Variants in CFAP46 observed in about 807,000 individuals in gnomAD.
CFAP46 encodes the protein cilia- and flagella-associated protein 46.
In CFAP46, 245 loss-of-function variants were observed where a neutral mutation model predicts 325.7. That is an observed-to-expected ratio of 0.75 (90% CI 0.68 to 0.84). The LOEUF is 0.84. CFAP46 is among the 40% of genes least tolerant of loss of function. CFAP46 has a pLI of 0.00. For missense variants in CFAP46, 3,346 were observed against 3,543.0 expected, an observed-to-expected ratio of 0.94 and a Z score of 1.41; for synonymous variants, 1,523 against 1,495.9, an observed-to-expected ratio of 1.02 and a Z score of -0.42.
intron 17 of CFAP46, 84 bp from the exon 18 acceptor site, chr10:132,913,342 G>T (rs1025478735): frequency 4.6e-5 from 25 of 543,338 alleles, no homozygotes; most frequent in Admixed American, 8.1e-5. Flanking sequence ...GGCCTGTTAG[G>T]AACCAGGCTG....
In CFAP46 at chr10:132,912,140, A is replaced by ATC. The variant is rs1284356383; in HGVS notation, c.2499+513_2499+514dup. On this transcript the variant is annotated intron_variant, in intron 19 of 57. Transcript: ENST00000368586. ...TCCACCCCCACCCCCCCACCCCCAC[A>ATC]TCTCTCTCTCTCTCCTCTCTCTCTT... Among the ~76,000 whole-genome samples the ATC allele has an allele frequency of 2.3e-3, 27 of 11,890 alleles. 1 individual carries two copies. The highest frequency in any genetic ancestry group is 6.4e-3 in the Admixed American group (7 of 1,102). 7.8% of individuals were successfully genotyped at this position (11,890 alleles called of 152,430 possible). A position where few individuals can be genotyped will look rare whatever the true frequency, so the allele number is the denominator to read the frequency against.
chr10:132,846,110 T>G lies in CFAP46; in HGVS notation c.6385A>C (p.Thr2129Pro), dbSNP rs1271672167. The change falls in exon 44 of 58, where the codon ACC becomes CCC. Residue 2129 changes from threonine to proline, a missense_variant. Coordinates refer to ENST00000368586, the MANE Select transcript of CFAP46 (RefSeq NM_001200049.3). ...ACACGGGCGCCCAGGCTGGTGGTGG[T>G]CCTGTCTTGGCACCGGAGCTGGTGC... The part of the protein sequence containing the change: ...LQHQLRCQDR[T>P]TTSLGARVEQ... The G allele has an allele frequency of 6.2e-7, 1 of 1,607,646 alleles. No homozygotes were observed. The highest frequency in any genetic ancestry group is 2.2e-5 in the East Asian group (1 of 44,832).
At chr10:132,898,826 C>A in intron 24 of CFAP46, 133 bp downstream of exon 24, 4 of 1,256,070 alleles carry the variant, frequency 3.2e-6, no homozygotes, top group Non-Finnish European at 4.5e-6. Flanking sequence ...CCCCTCCCCT[C>A]CTCGGCTGGT....
Position 132,846,131 on chromosome 10 carries a change from G to C in CFAP46, c.6364C>G (p.Gln2122Glu), listed in dbSNP as rs1485141483. The change falls in exon 44 of 58, where the codon CAG (glutamine) becomes GAG (glutamate). Residue 2122 changes from glutamine to glutamate, a missense_variant. Physicochemically the swap from Gln to Glu is conservative, Grantham distance 29. Coordinates refer to ENST00000368586, the MANE Select transcript of CFAP46 (RefSeq NM_001200049.3). The stretch of plus-strand genomic sequence containing the variant: ...GTGGTCCTGTCTTGGCACCGGAGCT[G>C]GTGCTGTAGCTGCAGCAGGGCCGCC... ...QLAALLQLQH[Q>E]LRCQDRTTTS... The C allele has an allele frequency of 1.9e-6, 3 of 1,610,732 alleles. No homozygotes were observed. In the Admixed American group the frequency reaches 5.0e-5, roughly 27 times the overall value.
rs528478988 is a variant in CFAP46, at chr10:132,833,295, A to C, written c.7117+63T>G. On this transcript the variant is annotated intron_variant, in intron 50 of 57. Coordinates refer to ENST00000368586, the MANE Select transcript of CFAP46 (RefSeq NM_001200049.3). ...ATAGGAGCTAACATTGTTTCATCTG[A>C]AAAATAATTTAAATATTTCCATTTT... The C allele has an allele frequency of 2.2e-5, 33 of 1,489,392 alleles. No individual in the cohort carries two copies. The East Asian group carries it at 7.1e-4, about 32-fold the overall frequency. 92.3% of individuals were successfully genotyped at this position (1,489,392 alleles called of 1,614,324 possible). A position where few individuals can be genotyped will look rare whatever the true frequency, so the allele number is the denominator to read the frequency against.
chr10:132,913,276 C>A lies in CFAP46; in HGVS notation c.2121-18G>T, dbSNP rs1849582875. 1 of 1,547,532 alleles carries A rather than the reference C, an allele frequency of 6.5e-7. No homozygotes were observed. The highest frequency in any genetic ancestry group is 1.4e-5 in the African/African-American group (1 of 73,006). Reference sequence around the variant, plus strand: ...TCCAGGTTCTGCAAAACGAGCACCACCAAGCCCTTAATGCAGGGTCCCCAG... The same window carrying A: ...TCCAGGTTCTGCAAAACGAGCACCAACAAGCCCTTAATGCAGGGTCCCCAG... On this transcript the variant is annotated intron_variant, in intron 17 of 57. Coordinates refer to ENST00000368586, the MANE Select transcript of CFAP46 (RefSeq NM_001200049.3).
intron 50 of CFAP46, among the ~76,000 whole-genome samples, chr10:132,821,262 CTGA>C (rs1428584970): frequency 9.6e-6 from 1 of 103,746 alleles, no homozygotes; most frequent in Non-Finnish European, 1.8e-5. Flanking sequence ...TGTGTGAGCG[CTGA>C]TGTGTGCTGT....
chr10:132,868,278 C>A (rs1026644223), intron 33 of CFAP46, among the ~76,000 whole-genome samples: 1 of 152,200 alleles, frequency 6.6e-6, no homozygotes, highest in African/African-American at 2.4e-5. Context: ...CTCCACAGCT[C>A]GTAAACAAAT....
rs1282170304 is a variant in CFAP46, at chr10:132,827,496, T to C, written c.7117+5862A>G. Among the ~76,000 whole-genome samples the C allele has an allele frequency of 1.3e-5, 2 of 151,932 alleles. No individual in the cohort carries two copies. The highest frequency in any genetic ancestry group is 1.5e-5 in the Non-Finnish European group (1 of 67,994). The stretch of plus-strand genomic sequence containing the variant: ...GCAAATTTGCTCTTTCTGTATTTCA[T>C]GTAAAAAATTTCCACTCACAAGCAG... On this transcript the variant is annotated intron_variant, in intron 50 of 57. Coordinates refer to ENST00000368586, the MANE Select transcript of CFAP46 (RefSeq NM_001200049.3). The surrounding 1 kb of genome is among the most constrained non-coding windows in gnomAD (Gnocchi z 5.7).
chr10:132,819,169 T>G (rs571474821), intron 50 of CFAP46, among the ~76,000 whole-genome samples: 1 of 152,306 alleles, frequency 6.6e-6, no homozygotes, highest in African/African-American at 2.4e-5. Context: ...TCAGAACGAA[T>G]AAAATACTTA....
chr10:132,875,833 C>A (rs753564270), intron 31 of CFAP46, among the ~76,000 whole-genome samples: 2 of 152,128 alleles, frequency 1.3e-5, no homozygotes, highest in Non-Finnish European at 2.9e-5. Flanking sequence ...AAAGGACACA[C>A]AAAAAACTGA....
chr10:132,845,325 G>A lies in CFAP46; in HGVS notation c.6438+732C>T, dbSNP rs115025083. On this transcript the variant is annotated intron_variant, in intron 44 of 57. Transcript: ENST00000368586. ...CAGTTCTCAGCCGGGGCCATGTTGC[G>A]CCCACTGGCCATGTCTGCAGACATC... Among the ~76,000 whole-genome samples the A allele has an allele frequency of 7.2e-3, 1,104 of 152,282 alleles. 15 individuals carry two copies. The highest frequency in any genetic ancestry group is 0.024 in the African/African-American group (989 of 41,564).
In CFAP46 at chr10:132,910,028, G is replaced by T. The variant is rs1221774012; in HGVS notation, c.2540C>A (p.Pro847His). The change falls in exon 20 of 58, where the codon CCC becomes CAC. Residue 847 changes from proline to histidine, a missense_variant. By Grantham distance (77) the Pro-to-His change is moderately conservative. Transcript: ENST00000368586. ...FALNLTNGSA[P>H]EETVPTGTRQ... ...GGTGCCGGTGGGCACCGTCTCCTCG[G>T]GCGCACTCCCATTGGTCAGGTTCAG... 6.5e-7 allele frequency: 1 copy of T among 1,536,536 alleles called. No individual in the cohort carries two copies. Among genetic ancestry groups the T allele is most frequent in the East Asian group, 2.5e-5 (1 of 39,594 alleles).
chr10:132,848,103 A>G (rs1164440413), intron 41 of CFAP46, among the ~76,000 whole-genome samples: 1 of 152,188 alleles, frequency 6.6e-6, no homozygotes, highest in Non-Finnish European at 1.5e-5. Flanking sequence ...CACCACGTGC[A>G]GCCACTGCAG....
At chr10:132,935,074 T>C (rs1849971418) in intron 7 of CFAP46, among the ~76,000 whole-genome samples, 1 of 152,094 alleles carries the variant, frequency 6.6e-6, no homozygotes, top group African/African-American at 2.4e-5. Context: ...CCTACAAGGC[T>C]GGAATAGAAA....
At chr10:132,822,572 T>C in intron 50 of CFAP46, among the ~76,000 whole-genome samples, 1 of 129,552 alleles carries the variant, frequency 7.7e-6, no homozygotes, top group Admixed American at 7.8e-5. Flanking sequence ...ATGTGTGCTG[T>C]GTGTGTGCTG....
At chr10:132,899,163 C>T in intron 23 of CFAP46, 42 bp from the exon 24 acceptor site, 3 of 1,524,876 alleles carry the variant, frequency 2.0e-6, no homozygotes, top group Non-Finnish European at 2.6e-6. Context: ...CCACCTGGGC[C>T]CACCTGGAGC....
At chr10:132,816,670 T>C (rs1001581732) in intron 50 of CFAP46, among the ~76,000 whole-genome samples, 1 of 152,240 alleles carries the variant, frequency 6.6e-6, no homozygotes, top group Non-Finnish European at 1.5e-5. Context: ...AGCTTCTGAA[T>C]TCCTGGCGCT....
intron 43 of CFAP46, 149 bp downstream of exon 43, chr10:132,846,783 G>T: frequency 3.1e-6 from 3 of 960,652 alleles, no homozygotes; most frequent in South Asian, 1.8e-5. Context: ...ACAAGTTTAC[G>T]TGGCCGGCAG....
Sources: gnomAD v4.1 joint callset for allele counts (sites outside exome capture counted in the v4.1 genomes callset) on GRCh38, gnomAD v4.1.1 for gene constraint, Gnocchi (gnomAD v3.1) non-coding constraint, MANE v1.5 for transcripts, NCBI Gene and HGNC (gene_info 2026-07-23, HGNC 2026-07-21) for gene names.